CCDC178: variants seen among roughly 807,000 people sequenced by gnomAD.
CCDC178 encodes coiled-coil domain containing 178, also known as coiled-coil domain-containing protein 178.
In CCDC178, 126 loss-of-function variants were observed where a neutral mutation model predicts 117.4. That is an observed-to-expected ratio of 1.07 (90% CI 0.93 to 1.24). The LOEUF is 1.24. Ranked by LOEUF, CCDC178 falls within the 50% of genes most tolerant of loss-of-function variation. CCDC178 has a pLI of 0.00. For missense variants in CCDC178, 1,030 were observed against 986.9 expected, an observed-to-expected ratio of 1.04 and a Z score of -0.59; for synonymous variants, 283 against 313.4, an observed-to-expected ratio of 0.90 and a Z score of 1.02.
At chr18:33,039,314 A>G (rs1329907248) in intron 21 of CCDC178, among the ~76,000 whole-genome samples, 7 of 152,076 alleles carry the variant, frequency 4.6e-5, no homozygotes, top group Non-Finnish European at 1.0e-4. Flanking sequence ...CCTTAATTTT[A>G]ATCTCTCCAC....
chr18:33,367,664 A>G (rs2063231007), intron 6 of CCDC178, among the ~76,000 whole-genome samples: 1 of 151,988 alleles, frequency 6.6e-6, no homozygotes, highest in African/African-American at 2.4e-5. Flanking sequence ...TTAAAATATT[A>G]GTTCAAATAC....
intron 3 of CCDC178, among the ~76,000 whole-genome samples, chr18:33,404,552 T>A (rs1008112041): frequency 4.2e-4 from 64 of 152,200 alleles, no homozygotes; most frequent in African/African-American, 1.5e-3. Flanking sequence ...ATTTGGCAAT[T>A]ACTAATAAAG....
At chr18:33,341,749 C>A (rs2062819754) in intron 9 of CCDC178, among the ~76,000 whole-genome samples, 1 of 152,162 alleles carries the variant, frequency 6.6e-6, no homozygotes, top group Non-Finnish European at 1.5e-5. Context: ...TTTCTGAGTT[C>A]TCCCTGGCCA....
chr18:33,216,617 C>T (rs2059168800), intron 18 of CCDC178, among the ~76,000 whole-genome samples: 1 of 152,036 alleles, frequency 6.6e-6, no homozygotes, highest in South Asian at 2.1e-4. Context: ...TTTCTTTACT[C>T]ATAGATTTCA....
At chr18:33,379,380 T>A (rs183451711) in intron 5 of CCDC178, among the ~76,000 whole-genome samples, 45 of 152,124 alleles carry the variant, frequency 3.0e-4, no homozygotes, top group African/African-American at 1.1e-3. Context: ...ATGCCACTTA[T>A]GCGTGGCAGC....
chr18:33,112,590 A>G (rs2057799672), intron 20 of CCDC178, among the ~76,000 whole-genome samples: 1 of 151,926 alleles, frequency 6.6e-6, no homozygotes, highest in Non-Finnish European at 1.5e-5. Flanking sequence ...CCTGAAAGAT[A>G]AAGTGAAGAG....
chr18:33,082,172 C>T (rs2057307984), intron 21 of CCDC178, among the ~76,000 whole-genome samples: 1 of 152,114 alleles, frequency 6.6e-6, no homozygotes, highest in Admixed American at 6.6e-5. Flanking sequence ...CAGGTATACA[C>T]AGAATATGAA....
At chr18:33,199,942 C>T (rs569851715) in intron 20 of CCDC178, among the ~76,000 whole-genome samples, 1 of 152,270 alleles carries the variant, frequency 6.6e-6, no homozygotes, top group South Asian at 2.1e-4. Context: ...GACACCACAA[C>T]TCTCCTGTTG....
At chr18:33,078,530 A>ACC (rs776389161) in intron 21 of CCDC178, among the ~76,000 whole-genome samples, 8 of 152,174 alleles carry the variant, frequency 5.3e-5, no homozygotes, top group Non-Finnish European at 1.2e-4. Context: ...TATTTAGGAA[A>ACC]CCCCGTAGTC....
At chr18:33,230,216 A>C (rs2059353626) in intron 15 of CCDC178, among the ~76,000 whole-genome samples, 3 of 151,888 alleles carry the variant, frequency 2.0e-5, no homozygotes, top group Admixed American at 2.0e-4. Context: ...AAGTTGAAAA[A>C]CTGTAAGTGG....
intron 20 of CCDC178, among the ~76,000 whole-genome samples, chr18:33,202,220 C>G (rs1200674429): frequency 6.6e-6 from 1 of 151,470 alleles, no homozygotes; most frequent in East Asian, 1.9e-4. Context: ...GGTGAAACCC[C>G]GTCTCTACTA....
chr18:33,194,480 A>G (rs1254525440), intron 20 of CCDC178, among the ~76,000 whole-genome samples: 1 of 152,126 alleles, frequency 6.6e-6, no homozygotes, highest in Admixed American at 6.6e-5. Context: ...CTTAACTTCA[A>G]TTAACTCCTG....
chr18:33,095,728 G>A (rs1598878374), intron 20 of CCDC178, among the ~76,000 whole-genome samples: 1 of 151,274 alleles, frequency 6.6e-6, no homozygotes, highest in East Asian at 2.0e-4. Context: ...TTATAATATG[G>A]CACATTCATT....
At position 33,363,852 on chromosome 18, in the gene CCDC178, T is replaced by G. The variant is rs954055677; in HGVS notation, c.348+6198A>C. Among the ~76,000 whole-genome samples the G allele has an allele frequency of 5.3e-5, 8 of 152,092 alleles. 1 individual carries two copies. The highest frequency in any genetic ancestry group is 5.2e-4 in the Admixed American group (8 of 15,250). ...TGTAGTTTGCATTTGGGGAGCAGTA[T>G]TAATCATGTGGCAATGGACTGATAG... On this transcript the variant is annotated intron_variant, in intron 6 of 22. Coordinates refer to ENST00000383096, the MANE Select transcript of CCDC178 (RefSeq NM_001105528.4).
At chr18:33,148,585 A>G (rs556060201) in intron 20 of CCDC178, among the ~76,000 whole-genome samples, 18 of 152,150 alleles carry the variant, frequency 1.2e-4, no homozygotes, top group African/African-American at 3.4e-4. Flanking sequence ...CAGAATTCCT[A>G]TGAATTCTGC....
At chr18:33,375,351 A>C (rs2063350500) in intron 5 of CCDC178, among the ~76,000 whole-genome samples, 1 of 152,008 alleles carries the variant, frequency 6.6e-6, no homozygotes, top group South Asian at 2.1e-4. Context: ...TTCTCCTTTG[A>C]TCATCTCCTT....
intron 5 of CCDC178, among the ~76,000 whole-genome samples, chr18:33,374,278 T>C (rs1051660495): frequency 6.6e-5 from 10 of 152,180 alleles, no homozygotes; most frequent in African/African-American, 2.4e-4. Context: ...CTACCCAGAA[T>C]GTGCAGAGAA....
At chr18:33,429,817 G>A (rs142006791) in intron 2 of CCDC178, among the ~76,000 whole-genome samples, 1,564 of 152,260 alleles carry the variant, frequency 0.01, 10 homozygotes, top group Admixed American at 0.02. Flanking sequence ...GGGAACCAAA[G>A]AAAGAAGCTA....
intron 21 of CCDC178, among the ~76,000 whole-genome samples, chr18:33,018,525 G>T (rs950507337): frequency 1.3e-5 from 2 of 151,952 alleles, no homozygotes; most frequent in African/African-American, 2.4e-5. Context: ...ACAAAATATG[G>T]TATAGTCATA....
Sources: gnomAD v4.1 joint callset for allele counts (sites outside exome capture counted in the v4.1 genomes callset) on GRCh38, gnomAD v4.1.1 for gene constraint, MANE v1.5 for transcripts, NCBI Gene and HGNC (gene_info 2026-07-23, HGNC 2026-07-21) for gene names.